Variants in RAP1A observed in about 807,000 individuals in gnomAD.
RAP1A encodes ras-related protein Rap-1A.
A neutral mutation model predicts 26.4 loss-of-function variants in RAP1A; 6 were observed. The observed-to-expected ratio is 0.23, with a 90% confidence interval of 0.12 to 0.45. The LOEUF is 0.45. Ranked by LOEUF, RAP1A falls within the 20% of genes least tolerant of loss-of-function variation. RAP1A has a pLI of 0.99. For missense variants in RAP1A, 121 were observed against 217.2 expected, an observed-to-expected ratio of 0.56 and a Z score of 2.78; for synonymous variants, 73 against 79.4, an observed-to-expected ratio of 0.92 and a Z score of 0.43.
At chr1:111,662,903 CTT>C in intron 1 of RAP1A, among the ~76,000 whole-genome samples, 1 of 151,582 alleles carries the variant, frequency 6.6e-6, no homozygotes, top group East Asian at 1.9e-4. Context: ...GCAAAAGTCT[CTT>C]TGGTTTTGTT....
chr1:111,651,669 G>T (rs1481501943), intron 1 of RAP1A, among the ~76,000 whole-genome samples: 1 of 151,836 alleles, frequency 6.6e-6, no homozygotes. Flanking sequence ...TAGAGATAGG[G>T]TTTCGCCATG....
chr1:111,644,062 C>G (rs1473530602), intron 1 of RAP1A, among the ~76,000 whole-genome samples: 1 of 152,146 alleles, frequency 6.6e-6, no homozygotes, highest in East Asian at 1.9e-4. Flanking sequence ...TCCTTAAAGT[C>G]AGCTGATTGT....
chr1:111,613,490 C>G (rs775309478), intron 1 of RAP1A, among the ~76,000 whole-genome samples: 1 of 152,124 alleles, frequency 6.6e-6, no homozygotes, highest in Non-Finnish European at 1.5e-5. Context: ...TTAGCCACCA[C>G]GCCCGGCCAG....
chr1:111,685,524 A>G (rs533889974), intron 1 of RAP1A, among the ~76,000 whole-genome samples: 51 of 152,332 alleles, frequency 3.3e-4, no homozygotes, highest in South Asian at 8.3e-4. Context: ...TATGAAAAAA[A>G]GCTGATCATC....
intron 1 of RAP1A, among the ~76,000 whole-genome samples, chr1:111,605,797 T>G (rs1658760936): frequency 6.6e-6 from 1 of 152,236 alleles, no homozygotes; most frequent in African/African-American, 2.4e-5. Flanking sequence ...AGATGCAATT[T>G]GTTCAGGCAG....
intron 1 of RAP1A, among the ~76,000 whole-genome samples, chr1:111,577,455 A>G (rs1188260907): frequency 6.6e-6 from 1 of 151,542 alleles, no homozygotes; most frequent in Non-Finnish European, 1.5e-5. Flanking sequence ...AGACCCTGAA[A>G]ACTTGGATTT....
intron 1 of RAP1A, among the ~76,000 whole-genome samples, chr1:111,638,975 A>C (rs964287938): frequency 6.6e-6 from 1 of 152,184 alleles, no homozygotes; most frequent in Non-Finnish European, 1.5e-5. Flanking sequence ...AGGCACATCA[A>C]AGTTGCATAG....
At chr1:111,583,727 G>A (rs1257728621) in intron 1 of RAP1A, among the ~76,000 whole-genome samples, 1 of 151,750 alleles carries the variant, frequency 6.6e-6, no homozygotes, top group African/African-American at 2.4e-5. Flanking sequence ...CAAGAGAATG[G>A]GTAAAGAAAG....
chr1:111,703,598 T>C (rs1430978482), intron 5 of RAP1A, 122 bp downstream of exon 5: 2 of 981,166 alleles, frequency 2.0e-6, no homozygotes, highest in Non-Finnish European at 2.8e-6. Context: ...AAAGAGCCCC[T>C]GTGACCAAAA....
chr1:111,704,506 C>G lies in RAP1A; in HGVS notation c.468+20C>G, dbSNP rs1187467875. On this transcript the variant is annotated intron_variant, in intron 6 of 7. Transcript: ENST00000369709. ...AATGAGGTAACCTACAACTGCTGGG[C>G]AGCACAAACAAGTGCCTTTTTAGTT... is the stretch of plus-strand genomic sequence containing the variant. The G allele has an allele frequency of 2.5e-6, 4 of 1,569,552 alleles. No homozygotes were observed. Among genetic ancestry groups the G allele is most frequent in the Non-Finnish European group, 3.5e-6 (4 of 1,156,936 alleles).
chr1:111,646,661 C>T (rs1215314715), intron 1 of RAP1A, among the ~76,000 whole-genome samples: 5 of 152,076 alleles, frequency 3.3e-5, no homozygotes, highest in African/African-American at 4.8e-5. Flanking sequence ...CTGCCTCAGC[C>T]TCCCGAGTAG....
chr1:111,622,476 T>C (rs1659246614), intron 1 of RAP1A, among the ~76,000 whole-genome samples: 2 of 152,208 alleles, frequency 1.3e-5, no homozygotes, highest in Admixed American at 1.3e-4. Context: ...AGGCAGTATA[T>C]ATCCCTCACT....
chr1:111,644,666 C>T (rs541461835), intron 1 of RAP1A, among the ~76,000 whole-genome samples: 8 of 152,346 alleles, frequency 5.3e-5, no homozygotes, highest in Admixed American at 4.6e-4. Context: ...CTCTTGATAT[C>T]TCACATAGAT....
chr1:111,594,302 A>G (rs1370514925), intron 1 of RAP1A, among the ~76,000 whole-genome samples: 1 of 152,196 alleles, frequency 6.6e-6, no homozygotes, highest in African/African-American at 2.4e-5. Context: ...GTGAGACAGC[A>G]TATCTACAAA....
At chr1:111,677,956 A>G (rs1313188415) in intron 1 of RAP1A, among the ~76,000 whole-genome samples, 2 of 152,048 alleles carry the variant, frequency 1.3e-5, no homozygotes, top group African/African-American at 4.8e-5. Context: ...AAATGAATTA[A>G]TGTGTTGCTG....
chr1:111,606,043 G>A (rs1417047213), intron 1 of RAP1A, among the ~76,000 whole-genome samples: 2 of 152,154 alleles, frequency 1.3e-5, no homozygotes, highest in Non-Finnish European at 2.9e-5. Context: ...TTCCCTGGAA[G>A]CAGCCAAGAT....
intron 1 of RAP1A, among the ~76,000 whole-genome samples, chr1:111,591,527 C>G (rs1658471622): frequency 1.3e-5 from 2 of 152,140 alleles, no homozygotes; most frequent in Admixed American, 6.5e-5. Context: ...TCTATATTAT[C>G]TAACTTTAGT....
chr1:111,592,491 G>T (rs1385444702), intron 1 of RAP1A, among the ~76,000 whole-genome samples: 1 of 152,210 alleles, frequency 6.6e-6, no homozygotes, highest in Non-Finnish European at 1.5e-5. Flanking sequence ...TAGGGTAAAT[G>T]ATTTCTATCA....
chr1:111,620,839 G>C (rs981933076), intron 1 of RAP1A, among the ~76,000 whole-genome samples: 1 of 152,114 alleles, frequency 6.6e-6, no homozygotes, highest in Admixed American at 6.5e-5. Context: ...GTCTTCAGCC[G>C]AGTTGTGTAA....
Sources: gnomAD v4.1 joint callset for allele counts (sites outside exome capture counted in the v4.1 genomes callset) on GRCh38, gnomAD v4.1.1 for gene constraint, MANE v1.5 for transcripts, NCBI Gene and HGNC (gene_info 2026-07-23, HGNC 2026-07-21) for gene names.